The following WARS2 variants were observed in gnomAD, a reference collection of about 807,000 sequenced individuals.
The protein encoded by WARS2 is tryptophan--tRNA ligase, mitochondrial.
In WARS2, 28 loss-of-function variants were observed where a neutral mutation model predicts 36.5. The observed-to-expected ratio is 0.77, with a 90% CI of 0.57 to 1.05. The LOEUF (loss-of-function observed/expected upper bound fraction) is 1.05, where lower values mean the gene tolerates loss of function less well. Ranked by LOEUF, WARS2 falls within the 50% of genes least tolerant of loss-of-function variation. The pLI is 0.00. For missense variants in WARS2, 435 were observed against 456.8 expected (o/e 0.95, Z 0.44); for synonymous variants, 174 against 178.4 (o/e 0.98, Z 0.20).
intron 1 of WARS2, among the ~76,000 whole-genome samples, chr1:119,080,569 C>T (rs1652108422): frequency 6.6e-6 from 1 of 152,124 alleles, no homozygotes; most frequent in African/African-American, 2.4e-5. Context: ...TAAAAAAATA[C>T]AGCCTCTAAA....
At position 119,100,933 on chromosome 1, in the gene WARS2, T is replaced by C. The variant is rs182055228; in HGVS notation, c.91-24326A>G. Among the ~76,000 whole-genome samples the C allele has an allele frequency of 4.9e-3, 750 of 152,304 alleles. 8 individuals carry two copies. The highest frequency in any genetic ancestry group is 0.018 in the African/African-American group (729 of 41,568). On this transcript the variant is annotated intron_variant, in intron 1 of 5. Transcript: ENST00000235521. ...GACTATAGGCTTGAGCCACCGTCCCTGGCAAGTGAAATAAGCCAGGCACCA... is the reference window on the plus strand; with the variant it reads ...GACTATAGGCTTGAGCCACCGTCCCCGGCAAGTGAAATAAGCCAGGCACCA...
At chr1:119,034,268 A>T (rs888222926) in intron 4 of WARS2, 55 bp from the exon 5 acceptor site, 2 of 1,397,414 alleles carry the variant, frequency 1.4e-6, no homozygotes, top group Non-Finnish European at 2.0e-6. Flanking sequence ...TAGAGACAGA[A>T]ATGATATTGC....
intron 2 of WARS2, among the ~76,000 whole-genome samples, chr1:119,068,665 C>T (rs904815043): frequency 1.4e-4 from 22 of 152,156 alleles, no homozygotes; most frequent in Non-Finnish European, 1.3e-4. Context: ...GATGTAGAGG[C>T]CTGTACCCCA....
chr1:119,131,366 T>C (rs1417659149), intron 1 of WARS2, among the ~76,000 whole-genome samples: 4 of 152,078 alleles, frequency 2.6e-5, no homozygotes, highest in African/African-American at 9.7e-5. Context: ...CCGAGGAAAC[T>C]TGGAAATTTT....
At chr1:119,035,172 A>G (rs1010864694) in intron 4 of WARS2, among the ~76,000 whole-genome samples, 2 of 152,238 alleles carry the variant, frequency 1.3e-5, no homozygotes, top group Non-Finnish European at 2.9e-5. Flanking sequence ...AGAATGAACC[A>G]TTATAGAGAA....
intron 2 of WARS2, among the ~76,000 whole-genome samples, chr1:119,075,740 G>A (rs942269463): frequency 4.6e-5 from 7 of 151,930 alleles, no homozygotes; most frequent in Non-Finnish European, 7.4e-5. Context: ...CCAGACTATC[G>A]GCCTGTCCAA....
chr1:119,126,497 A>C, intron 1 of WARS2: 6 of 428,232 alleles, frequency 1.4e-5, no homozygotes, highest in South Asian at 5.1e-5. Flanking sequence ...TTTTTTTTTC[A>C]CAAATAGGAC....
Position 119,119,234 on chromosome 1 carries a change from C to G in WARS2, c.90+21321G>C, listed in dbSNP as rs868188693. Among the ~76,000 whole-genome samples the G allele has an allele frequency of 6.1e-4, 93 of 152,116 alleles. 1 individual carries two copies. Among genetic ancestry groups the G allele is most frequent in the African/African-American group, 2.1e-3 (89 of 41,498 alleles). ...AGTAAAGGAGTGGAAAAAAGATATT[C>G]CATGCAAATGGACACCAAAAGTGAG... On this transcript the variant is annotated intron_variant, in intron 1 of 5. Transcript: ENST00000235521.
At chr1:119,114,814 C>G (rs1257316259) in intron 1 of WARS2, among the ~76,000 whole-genome samples, 1 of 152,162 alleles carries the variant, frequency 6.6e-6, no homozygotes, top group Non-Finnish European at 1.5e-5. Context: ...AAGAACTAAA[C>G]CAAAGCCTGT....
chr1:119,038,092 C>T (rs1444026783), intron 4 of WARS2, among the ~76,000 whole-genome samples: 4 of 152,198 alleles, frequency 2.6e-5, no homozygotes, highest in African/African-American at 9.6e-5. Flanking sequence ...CAGCACCATT[C>T]TCTCCCTTCT....
At position 119,139,408 on chromosome 1, in the gene WARS2, C is replaced by T. The variant is rs587701867; in HGVS notation, c.90+1147G>A. On this transcript the variant is annotated intron_variant, in intron 1 of 5. Coordinates refer to ENST00000235521, the MANE Select transcript of WARS2 (RefSeq NM_015836.4). ...AAATTTTGGTTTTCATAATTACTCTCATTGGCTTTGTTTTGGCTTCATAAT... is the reference window on the plus strand; with the variant it reads ...AAATTTTGGTTTTCATAATTACTCTTATTGGCTTTGTTTTGGCTTCATAAT... 4.6e-5 allele frequency among the ~76,000 whole-genome samples: 7 copies of T among 152,290 alleles called. No homozygotes were observed. In the South Asian group the frequency reaches 1.4e-3, roughly 32 times the overall value.
At chr1:119,128,834 C>G (rs761186034) in intron 1 of WARS2, among the ~76,000 whole-genome samples, 23 of 152,024 alleles carry the variant, frequency 1.5e-4, no homozygotes, top group Non-Finnish European at 1.5e-4. Flanking sequence ...GTCATGGAAG[C>G]CTGACCAAAA....
At chr1:119,075,968 AC>A in intron 2 of WARS2, among the ~76,000 whole-genome samples, 1 of 152,354 alleles carries the variant, frequency 6.6e-6, no homozygotes, top group South Asian at 2.1e-4. Context: ...CATTGGAATT[AC>A]ATAAAACTAT....
chr1:119,114,937 A>T (rs1486906518), intron 1 of WARS2, among the ~76,000 whole-genome samples: 1 of 152,174 alleles, frequency 6.6e-6, no homozygotes, highest in East Asian at 1.9e-4. Context: ...ACTAGAAGAC[A>T]TGCCACTGCT....
intron 2 of WARS2, among the ~76,000 whole-genome samples, chr1:119,065,173 T>C (rs573210332): frequency 6.6e-6 from 1 of 151,894 alleles, no homozygotes; most frequent in Non-Finnish European, 1.5e-5. Context: ...TTAGAAATTA[T>C]TCAGAACTGA....
chr1:119,043,667 G>T (rs1168589699), intron 3 of WARS2, among the ~76,000 whole-genome samples: 1 of 152,204 alleles, frequency 6.6e-6, no homozygotes, highest in East Asian at 1.9e-4. Flanking sequence ...TAAAGATAAT[G>T]AAAGTTTAAT....
intron 1 of WARS2, among the ~76,000 whole-genome samples, chr1:119,126,022 C>A (rs1655630732): frequency 6.6e-6 from 1 of 152,310 alleles, no homozygotes; most frequent in African/African-American, 2.4e-5. Flanking sequence ...CCCACTGTAT[C>A]TTCAAGCTTA....
At chr1:119,124,791 C>T (rs974207742) in intron 1 of WARS2, among the ~76,000 whole-genome samples, 3 of 152,170 alleles carry the variant, frequency 2.0e-5, no homozygotes, top group South Asian at 2.1e-4. Flanking sequence ...CCAGAAAAAG[C>T]CAAAGTCTTT....
intron 4 of WARS2, among the ~76,000 whole-genome samples, chr1:119,040,450 A>C (rs1648252056): frequency 6.6e-6 from 1 of 152,134 alleles, no homozygotes; most frequent in African/African-American, 2.4e-5. Flanking sequence ...TACCACGCTC[A>C]TGTGTTTTCT....
Sources: gnomAD v4.1 joint callset for allele counts (sites outside exome capture counted in the v4.1 genomes callset) on GRCh38, gnomAD v4.1.1 for gene constraint, MANE v1.5 for transcripts, NCBI Gene and HGNC (gene_info 2026-07-23, HGNC 2026-07-21) for gene names.